The following EDN3 variants were observed in gnomAD, a reference collection of about 807,000 sequenced individuals.
EDN3 encodes the protein endothelin 3.
EDN3 carries 9 observed loss-of-function variants against 21.4 expected under a neutral mutation model. The ratio of observed to expected loss-of-function variants is 0.42; its 90% confidence interval spans 0.25 to 0.73. The LOEUF is 0.73. Among genes scored for constraint, EDN3 ranks in the 30% least tolerant of loss-of-function variants. EDN3 has a pLI of 0.26. For synonymous variants in EDN3, 133 were observed against 126.2 expected (o/e 1.05, Z -0.36); for missense variants, 327 against 309.4 (o/e 1.06, Z -0.43).
At chr20:59,316,872 T>C (rs918700056) in intron 2 of EDN3, among the ~76,000 whole-genome samples, 1 of 152,226 alleles carries the variant, frequency 6.6e-6, no homozygotes, top group African/African-American at 2.4e-5. Context: ...CGTATGTAAG[T>C]GTGCTGGAGG....
intron 2 of EDN3, among the ~76,000 whole-genome samples, chr20:59,315,126 T>C (rs1036616822): frequency 1.1e-4 from 16 of 152,356 alleles, no homozygotes; most frequent in East Asian, 1.9e-4. Flanking sequence ...CAGGCAGACA[T>C]TTCTAAGCTT....
chr20:59,303,963 T>C (rs1181334189), intron 2 of EDN3, among the ~76,000 whole-genome samples: 2 of 152,192 alleles, frequency 1.3e-5, no homozygotes, highest in Non-Finnish European at 2.9e-5. Flanking sequence ...ATTTTGAAAT[T>C]AGACAGGTAA....
intron 2 of EDN3, among the ~76,000 whole-genome samples, chr20:59,302,839 C>G (rs1176874381): frequency 6.6e-6 from 1 of 152,192 alleles, no homozygotes; most frequent in African/African-American, 2.4e-5. Context: ...TATCCCCAAG[C>G]CCCATAACCT....
chr20:59,300,842 GCT>G lies in EDN3; in HGVS notation c.32_33del (p.Leu11HisfsTer32). 6.2e-7 allele frequency: 1 copy of G among 1,611,292 alleles called. No homozygotes were observed. Among genetic ancestry groups the G allele is most frequent in the Non-Finnish European group, 8.5e-7 (1 of 1,179,638 alleles). On this transcript the variant is annotated frameshift_variant, in exon 1 of 5. Coordinates refer to ENST00000337938, the MANE Select transcript of EDN3 (RefSeq NM_207034.3). LOFTEE classifies it high-confidence loss of function. Reference sequence around the variant, plus strand: ...AGCCGGGGCTGTGGCTCCTTTTCGGGCTCACAGTGACCTCCGCCGCAGGTAAG... The same window carrying G: ...AGCCGGGGCTGTGGCTCCTTTTCGGGCACAGTGACCTCCGCCGCAGGTAAG... MEPGLWLLFG[L>X]TVTSAAGFVP...
chr20:59,304,110 C>T (rs11570268), intron 2 of EDN3, among the ~76,000 whole-genome samples: 11,185 of 151,548 alleles, frequency 0.074, 472 homozygotes, highest in East Asian at 0.15. Context: ...TTTCCTTTCC[C>T]TTCTTTTCCC....
chr20:59,315,617 A>G (rs1044268705), intron 2 of EDN3, among the ~76,000 whole-genome samples: 6 of 152,218 alleles, frequency 3.9e-5, no homozygotes, highest in Non-Finnish European at 8.8e-5. Flanking sequence ...CATTTTGTTC[A>G]TGTGTCATCT....
At chr20:59,304,056 C>T (rs1338405811) in intron 2 of EDN3, among the ~76,000 whole-genome samples, 1 of 152,066 alleles carries the variant, frequency 6.6e-6, no homozygotes, top group East Asian at 1.9e-4. Flanking sequence ...ACCCTCCAAA[C>T]TTCCTCCTGC....
chr20:59,306,177 G>C (rs2146830273), intron 2 of EDN3, among the ~76,000 whole-genome samples: 1 of 152,278 alleles, frequency 6.6e-6, no homozygotes, highest in East Asian at 1.9e-4. Context: ...GATGGTGACT[G>C]TGTTTTCCAA....
intron 2 of EDN3, among the ~76,000 whole-genome samples, chr20:59,313,874 A>G (rs1990002182): frequency 6.6e-6 from 1 of 152,140 alleles, no homozygotes; most frequent in Admixed American, 6.5e-5. Flanking sequence ...TTCCTGGCCT[A>G]TTTTCTTTCC....
At chr20:59,311,116 G>A (rs1316085453) in intron 2 of EDN3, among the ~76,000 whole-genome samples, 1 of 152,142 alleles carries the variant, frequency 6.6e-6, no homozygotes, top group East Asian at 1.9e-4. Context: ...CCCTGAGCTT[G>A]CTCCACTTAC....
chr20:59,312,351 AGTTT>A (rs1989888447), intron 2 of EDN3, among the ~76,000 whole-genome samples: 1 of 151,984 alleles, frequency 6.6e-6, no homozygotes, highest in Admixed American at 6.6e-5. Flanking sequence ...GTTTTGGAGG[AGTTT>A]GTTTCTCTAA....
rs1190911281 is a variant in EDN3 at position 59,321,049 on chromosome 20, G to C, written c.398G>C (p.Arg133Thr). The C allele has an allele frequency of 6.2e-7, 1 of 1,614,098 alleles. No individual in the cohort carries two copies. Among genetic ancestry groups the C allele is most frequent in the East Asian group, 2.2e-5 (1 of 44,886 alleles). ...GTGCCCTATGGACTGTCCAACTACAGAGGAAGCTTCCGGGGCAAGAGGTCT... is the reference window on the plus strand; with the variant it reads ...GTGCCCTATGGACTGTCCAACTACACAGGAAGCTTCCGGGGCAAGAGGTCT... ...QTVPYGLSNYRGSFRGKRSAG... is the reference protein window; with the variant it reads ...QTVPYGLSNYTGSFRGKRSAG... The change falls in exon 3 of 5, where the codon AGA (arginine) becomes ACA (threonine). Residue 133 changes from arginine to threonine, a missense_variant. Physicochemically the swap from Arg to Thr is moderately conservative, Grantham distance 71. Coordinates refer to ENST00000337938, the MANE Select transcript of EDN3 (RefSeq NM_207034.3).
chr20:59,306,819 G>T (rs533652914), intron 2 of EDN3, among the ~76,000 whole-genome samples: 2 of 152,190 alleles, frequency 1.3e-5, no homozygotes, highest in African/African-American at 4.8e-5. Flanking sequence ...GGAGCCAGCT[G>T]AGCACCAGAA....
In EDN3 at chr20:59,305,377, G is replaced by A. The variant is rs11570272; in HGVS notation, c.365+3655G>A. Among the ~76,000 whole-genome samples the A allele has an allele frequency of 2.2e-3, 339 of 152,334 alleles. 1 individual carries two copies. Among genetic ancestry groups the A allele is most frequent in the African/African-American group, 7.0e-3 (293 of 41,580 alleles). Reference sequence around the variant, plus strand: ...AAGGGGTCCGTGTGCTGATGTCCTTGTACACTGCGGCTGTCCTCTATGAGC... The same window carrying A: ...AAGGGGTCCGTGTGCTGATGTCCTTATACACTGCGGCTGTCCTCTATGAGC... On this transcript the variant is annotated intron_variant, in intron 2 of 4. Transcript: ENST00000337938. This position sits in a 1 kb window ranked among gnomAD's most constrained non-coding sequence, Gnocchi z 4.2.
chr20:59,311,195 G>A lies in EDN3; in HGVS notation c.365+9473G>A, dbSNP rs74441555. Among the ~76,000 whole-genome samples, 1,503 of 152,212 alleles carry A rather than the reference G, an allele frequency of 9.9e-3. 20 individuals are homozygous for A. The highest frequency in any genetic ancestry group is 0.035 in the African/African-American group (1,465 of 41,502). ...GGATAAAGCCTGTGTCTCTAATAGA[G>A]ACTCAGTAGTTTGAGGTAAGTGATA... On this transcript the variant is annotated intron_variant, in intron 2 of 4. Transcript: ENST00000337938.
rs754800058 is a variant in EDN3 at position 59,321,009 on chromosome 20, C to T, written c.366-8C>T. ...TGTGCTCACCTAACATTACCCTGTG[C>T]TTTGCAGACAGACGGTGCCCTATGG... On this transcript the variant is annotated splice_polypyrimidine_tract_variant and splice_region_variant and intron_variant, in intron 2 of 4. Coordinates refer to ENST00000337938, the MANE Select transcript of EDN3 (RefSeq NM_207034.3). 29 of 1,614,210 alleles carry T rather than the reference C, an allele frequency of 1.8e-5. No homozygotes were observed. In the South Asian group the frequency reaches 2.0e-4, roughly 11 times the overall value.
rs1990735062 is a variant in EDN3, at chr20:59,324,529, C to T, written c.*70C>T. 7 of 1,608,460 alleles carry T rather than the reference C, an allele frequency of 4.4e-6. No individual in the cohort carries two copies. The East Asian group carries it at 1.6e-4, about 36-fold the overall frequency. On this transcript the variant is annotated 3_prime_UTR_variant, in exon 5 of 5. Coordinates refer to ENST00000337938, the MANE Select transcript of EDN3 (RefSeq NM_207034.3). ...TGCTCACACACAGTTCAGATTTCCA[C>T]CTCTTTATAGACAAGAAGTGAATTT... is the stretch of plus-strand genomic sequence containing the variant.
At chr20:59,320,868 C>G in intron 2 of EDN3, 149 bp from the exon 3 acceptor site, 1 of 812,098 alleles carries the variant, frequency 1.2e-6, no homozygotes, top group Non-Finnish European at 2.0e-6. Context: ...CCAGAACCTT[C>G]CTAAGACCCA....
intron 2 of EDN3, among the ~76,000 whole-genome samples, chr20:59,304,620 C>T (rs143109852): frequency 6.6e-5 from 10 of 152,266 alleles, no homozygotes; most frequent in East Asian, 3.9e-4. Context: ...GCTCTGAGTA[C>T]GGTCATTTTT....
Sources: allele counts gnomAD v4.1 joint callset (sites outside exome capture counted in the v4.1 genomes callset), GRCh38; gene constraint gnomAD v4.1.1; non-coding constraint Gnocchi (gnomAD v3.1); transcripts MANE v1.5; gene names NCBI Gene and HGNC (gene_info 2026-07-23, HGNC 2026-07-21).